ZC2HC1A: variants seen among roughly 807,000 people sequenced by gnomAD.
ZC2HC1A encodes zinc finger C2HC domain-containing protein 1A.
In ZC2HC1A, 28 loss-of-function variants were observed where a neutral mutation model predicts 40.7. The observed-to-expected ratio is 0.69, with a 90% CI of 0.51 to 0.94. ZC2HC1A has a LOEUF of 0.94. ZC2HC1A is among the 40% of genes least tolerant of loss of function. The pLI is 0.00. For synonymous variants in ZC2HC1A, 129 were observed against 129.2 expected, an observed-to-expected ratio of 1.00 and a Z score of 0.01; for missense variants, 389 against 386.3, an observed-to-expected ratio of 1.01 and a Z score of -0.06.
intron 7 of ZC2HC1A, among the ~76,000 whole-genome samples, chr8:78,709,206 TAAAATTAGAGCAACC>T (rs1056802684): frequency 5.1e-4 from 77 of 152,312 alleles, no homozygotes; most frequent in African/African-American, 1.7e-3. Flanking sequence ...GTAATACACC[TAAAATTAGAGCAACC>T]AAAGGCATGT....
intron 3 of ZC2HC1A, among the ~76,000 whole-genome samples, chr8:78,684,212 T>C (rs936548328): frequency 6.6e-6 from 1 of 152,218 alleles, no homozygotes; most frequent in Non-Finnish European, 1.5e-5. Flanking sequence ...ATTTTCATAC[T>C]GCTATGAAGA....
intron 3 of ZC2HC1A, among the ~76,000 whole-genome samples, chr8:78,681,536 C>A (rs1408412393): frequency 1.3e-5 from 2 of 152,056 alleles, no homozygotes; most frequent in African/African-American, 4.8e-5. Context: ...TTCTTTTTGT[C>A]AGAGTTTTGC....
At position 78,682,945 on chromosome 8, in the gene ZC2HC1A, T is replaced by G. The variant is rs187746023; in HGVS notation, c.211-3522T>G. 2.0e-5 allele frequency among the ~76,000 whole-genome samples: 3 copies of G among 152,338 alleles called. No individual in the cohort carries two copies. In the East Asian group the frequency reaches 5.8e-4, roughly 29 times the overall value. On this transcript the variant is annotated intron_variant, in intron 3 of 8. Coordinates refer to ENST00000263849, the MANE Select transcript of ZC2HC1A (RefSeq NM_016010.3). Reference sequence around the variant, plus strand: ...AGGCTCCATGCAAGTCTGAAATCCATGAGGGCAGTCATTAAACCTTAAAGC... The same window carrying G: ...AGGCTCCATGCAAGTCTGAAATCCAGGAGGGCAGTCATTAAACCTTAAAGC...
chr8:78,695,744 C>T (rs1810379468), intron 5 of ZC2HC1A, among the ~76,000 whole-genome samples: 1 of 152,070 alleles, frequency 6.6e-6, no homozygotes, highest in South Asian at 2.1e-4. Flanking sequence ...GGTTCATCTC[C>T]CAAAGTCTCA....
At chr8:78,696,989 G>A (rs1009455227) in intron 5 of ZC2HC1A, among the ~76,000 whole-genome samples, 1 of 152,076 alleles carries the variant, frequency 6.6e-6, no homozygotes, top group Non-Finnish European at 1.5e-5. Context: ...CCTGTGAACT[G>A]AAAAAGTTGC....
chr8:78,684,247 A>G (rs1809881088), intron 3 of ZC2HC1A, among the ~76,000 whole-genome samples: 1 of 152,208 alleles, frequency 6.6e-6, no homozygotes, highest in Non-Finnish European at 1.5e-5. Context: ...GGCAATTTAT[A>G]AAGAAAAAGA....
intron 1 of ZC2HC1A, among the ~76,000 whole-genome samples, chr8:78,672,808 T>G (rs1809472162): frequency 6.6e-6 from 1 of 152,204 alleles, no homozygotes; most frequent in South Asian, 2.1e-4. Context: ...AGTAAGAAAT[T>G]TGTTTTACAG....
intron 3 of ZC2HC1A, among the ~76,000 whole-genome samples, chr8:78,681,290 G>A (rs186132977): frequency 3.4e-4 from 52 of 152,026 alleles, no homozygotes; most frequent in African/African-American, 1.2e-3. Flanking sequence ...TAATAGAAGC[G>A]ATGAATAATA....
At chr8:78,709,907 T>G (rs1563639032) in intron 7 of ZC2HC1A, among the ~76,000 whole-genome samples, 1 of 152,078 alleles carries the variant, frequency 6.6e-6, no homozygotes, top group Non-Finnish European at 1.5e-5. Flanking sequence ...TTTCCCAATA[T>G]TATTTCAGAA....
At chr8:78,673,001 A>G (rs1287008717) in intron 1 of ZC2HC1A, among the ~76,000 whole-genome samples, 2 of 151,984 alleles carry the variant, frequency 1.3e-5, no homozygotes, top group African/African-American at 4.8e-5. Flanking sequence ...GCACCCATCA[A>G]CCTGTCATCT....
Position 78,666,143 on chromosome 8 carries a change from G to A in ZC2HC1A, c.-6G>A. On this transcript the variant is annotated 5_prime_UTR_variant, in exon 1 of 9. Coordinates refer to ENST00000263849, the MANE Select transcript of ZC2HC1A (RefSeq NM_016010.3). ...GGAGTCTCGCTGAGCTCGAGGAGGT[G>A]GCGCGATGGAGGGACTGGAAGGTGA... 2 of 1,571,996 alleles carry A rather than the reference G, an allele frequency of 1.3e-6. No homozygotes were observed. The highest frequency in any genetic ancestry group is 1.7e-6 in the Non-Finnish European group (2 of 1,158,756).
At chr8:78,678,370 G>A (rs566607695) in intron 2 of ZC2HC1A, among the ~76,000 whole-genome samples, 193 bp from the exon 3 acceptor site, 3 of 152,268 alleles carry the variant, frequency 2.0e-5, no homozygotes, top group East Asian at 1.9e-4. Flanking sequence ...AGATAACTTA[G>A]AGCGTGCATT....
In ZC2HC1A at chr8:78,718,748, ATAGTAGT is replaced by A. The variant is rs1404295285; in HGVS notation, c.*1263_*1269del. On this transcript the variant is annotated 3_prime_UTR_variant, in exon 9 of 9. Coordinates refer to ENST00000263849, the MANE Select transcript of ZC2HC1A (RefSeq NM_016010.3). ...TAATCATTGTCACTTTCAGTATATC[ATAGTAGT>A]TAGTAGTAGATTGCCTTGATGGCAG... 3 of 151,826 alleles carry A rather than the reference ATAGTAGT, an allele frequency of 2.0e-5. No homozygotes were observed. The highest frequency in any genetic ancestry group is 6.6e-5 in the Admixed American group (1 of 15,258). 9.4% of individuals were successfully genotyped at this position (151,826 alleles called of 1,614,324 possible). A position where few individuals can be genotyped will look rare whatever the true frequency, so the allele number is the denominator to read the frequency against.
Position 78,681,633 on chromosome 8 carries a change from A to G in ZC2HC1A, c.210+2954A>G, listed in dbSNP as rs960053911. On this transcript the variant is annotated intron_variant, in intron 3 of 8. Transcript: ENST00000263849. ...GTAATATTGATGCTAGATTTTTCTTATATGTCTACAAAAATTAAAAATTAA... is the reference window on the plus strand; with the variant it reads ...GTAATATTGATGCTAGATTTTTCTTGTATGTCTACAAAAATTAAAAATTAA... Among the ~76,000 whole-genome samples the G allele has an allele frequency of 2.0e-5, 3 of 152,252 alleles. No homozygotes were observed. The South Asian group carries it at 6.2e-4, about 32-fold the overall frequency.
At chr8:78,696,841 A>C (rs1255234646) in intron 5 of ZC2HC1A, among the ~76,000 whole-genome samples, 1 of 152,206 alleles carries the variant, frequency 6.6e-6, no homozygotes, top group Non-Finnish European at 1.5e-5. Context: ...GAATATAAAA[A>C]CACATCCAGG....
At chr8:78,675,981 T>C in intron 2 of ZC2HC1A, 118 bp downstream of exon 2, 1 of 758,040 alleles carries the variant, frequency 1.3e-6, no homozygotes, top group Non-Finnish European at 2.1e-6. Context: ...TAATGGGTAC[T>C]ATTCTTTGTT....
intron 3 of ZC2HC1A, chr8:78,679,402 T>C (rs1259745751): frequency 6.6e-6 from 1 of 152,216 alleles, no homozygotes; most frequent in African/African-American, 2.4e-5. Flanking sequence ...CATCCTCCCA[T>C]GTGCTTTATG....
chr8:78,708,672 CT>C (rs66697724), intron 7 of ZC2HC1A, among the ~76,000 whole-genome samples: 96,829 of 142,452 alleles, frequency 0.68, 33,566 homozygotes, highest in East Asian at 0.88. Context: ...AGATGATTAT[CT>C]TTTTTTTTTC....
chr8:78,711,745 A>G (rs1310518421), intron 7 of ZC2HC1A, among the ~76,000 whole-genome samples: 2 of 151,930 alleles, frequency 1.3e-5, no homozygotes, highest in Admixed American at 6.6e-5. Context: ...CCTGCTGTGT[A>G]TAATTTGACA....
Sources: gnomAD v4.1 joint callset for allele counts (sites outside exome capture counted in the v4.1 genomes callset) on GRCh38, gnomAD v4.1.1 for gene constraint, MANE v1.5 for transcripts, NCBI Gene and HGNC (gene_info 2026-07-23, HGNC 2026-07-21) for gene names.